Variants in PIGN observed in about 807,000 individuals in gnomAD.
The protein encoded by PIGN is phosphatidylinositol glycan anchor biosynthesis class N, also known as GPI ethanolamine phosphate transferase 1.
PIGN carries 117 observed loss-of-function variants against 125.4 expected under a neutral mutation model. The ratio of observed to expected loss-of-function variants is 0.93; its 90% CI spans 0.80 to 1.09. PIGN has a LOEUF of 1.09. Among genes scored for constraint, PIGN ranks in the 50% least tolerant of loss-of-function variants. The probability of loss-of-function intolerance (pLI) is 0.00; values close to 1 mark genes in which losing one functional copy is unlikely to be tolerated. For missense variants in PIGN, 1,075 were observed against 1,094.9 expected, an observed-to-expected ratio of 0.98 and a Z score of 0.26; for synonymous variants, 392 against 377.8, an observed-to-expected ratio of 1.04 and a Z score of -0.44.
At chr18:62,073,624 G>C (rs895529294) in intron 29 of PIGN, among the ~76,000 whole-genome samples, 3 of 152,130 alleles carry the variant, frequency 2.0e-5, no homozygotes, top group African/African-American at 7.2e-5. Flanking sequence ...AAGCTGATTT[G>C]CTCTCACATT....
chr18:62,185,305 G>A (rs1028037468), intron 1 of PIGN, among the ~76,000 whole-genome samples: 6 of 151,892 alleles, frequency 4.0e-5, no homozygotes, highest in Admixed American at 3.3e-4. Context: ...CTATTTGGGG[G>A]GATTTTTTTC....
Position 62,095,939 on chromosome 18 carries a change from C to A in PIGN, c.2089G>T (p.Val697Phe), listed in dbSNP as rs763127430. Residue 697 changes from valine to phenylalanine, a missense_variant, in exon 23 of 31, where the codon GTT (valine) becomes TTT (phenylalanine). By Grantham distance (50) the Val-to-Phe change is conservative (BLOSUM62 -1). Transcript: ENST00000640252. ...ACTGGAGAACTCAGTAGTGGCACAACCAAGGAAGAGGCTGCAATGAAACAG... is the reference window on the plus strand; with the variant it reads ...ACTGGAGAACTCAGTAGTGGCACAAACAAGGAAGAGGCTGCAATGAAACAG... The part of the protein sequence containing the change: ...ISWATLASSL[V>F]VPLLSSPVLF... The A allele has an allele frequency of 9.9e-6, 16 of 1,608,872 alleles. 1 individual carries two copies. In the South Asian group the frequency reaches 1.4e-4, roughly 14 times the overall value.
intron 23 of PIGN, among the ~76,000 whole-genome samples, chr18:62,033,958 C>T (rs1404299316): frequency 1.3e-5 from 2 of 152,176 alleles, no homozygotes; most frequent in Admixed American, 1.3e-4. Context: ...TCAGTTGAGA[C>T]TCAGAGGGGT....
chr18:62,107,369 C>A, intron 17 of PIGN: 1 of 310,346 alleles, frequency 3.2e-6, no homozygotes, highest in Non-Finnish European at 6.1e-6. Context: ...CTGAAGAGGG[C>A]GGATCACCTG....
chr18:62,122,407 A>T (rs878959274), intron 14 of PIGN, among the ~76,000 whole-genome samples: 3 of 152,090 alleles, frequency 2.0e-5, no homozygotes, highest in African/African-American at 7.2e-5. Context: ...TTCAATTAAT[A>T]TTTTTTTTAT....
At chr18:62,096,824 T>C (rs1360488706) in intron 22 of PIGN, among the ~76,000 whole-genome samples, 2 of 144,264 alleles carry the variant, frequency 1.4e-5, no homozygotes, top group African/African-American at 5.2e-5. Context: ...GAATGATGGT[T>C]TCCAATTTCA....
At chr18:62,022,125 C>A (rs1249730375) in intron 23 of PIGN, among the ~76,000 whole-genome samples, 1 of 152,128 alleles carries the variant, frequency 6.6e-6, no homozygotes, top group Non-Finnish European at 1.5e-5. Context: ...ATGATGGCAT[C>A]TTAGATAACA....
intron 8 of PIGN, among the ~76,000 whole-genome samples, chr18:62,147,721 T>C (rs934409897): frequency 6.6e-6 from 1 of 152,178 alleles, no homozygotes; most frequent in Non-Finnish European, 1.5e-5. Context: ...CTTTTACTTA[T>C]GGTCCTCAAA....
chr18:62,103,441 G>C (rs1456142656), intron 20 of PIGN: 1 of 151,652 alleles, frequency 6.6e-6, no homozygotes, highest in African/African-American at 2.4e-5. Flanking sequence ...GGAAGGGGTA[G>C]GCAGTGGTCA....
At chr18:62,105,219 T>C in intron 20 of PIGN, 2 of 172,288 alleles carry the variant, frequency 1.2e-5, no homozygotes, top group African/African-American at 4.8e-5. Context: ...AGAATGTTTT[T>C]TCACATGAAA....
In PIGN at chr18:62,044,021, A is replaced by G. The variant is rs1047259997; in HGVS notation, c.*1835T>C. The G allele has an allele frequency of 6.6e-6, 1 of 152,222 alleles. No homozygotes were observed. Among genetic ancestry groups the G allele is most frequent in the African/African-American group, 2.4e-5 (1 of 41,466 alleles). The allele number at this position is 152,222 out of a possible 1,614,324, so 9.4% of individuals were successfully genotyped here. ...ACTGCAACAGAAAAGGCTTGTTCCC[A>G]TGTGAGTCTGAAGGGGCCAGTTACG... On this transcript the variant is annotated 3_prime_UTR_variant, in exon 31 of 31. Transcript: ENST00000640252.
chr18:62,122,406 T>C (rs2035342625), intron 14 of PIGN, among the ~76,000 whole-genome samples: 1 of 152,154 alleles, frequency 6.6e-6, no homozygotes. Flanking sequence ...TTTCAATTAA[T>C]ATTTTTTTTA....
intron 11 of PIGN, 144 bp from the exon 12 acceptor site, chr18:62,140,623 T>C (rs772050273): frequency 4.3e-6 from 2 of 464,542 alleles, no homozygotes; most frequent in Admixed American, 7.8e-5. Context: ...AAAAAAGATA[T>C]TAATCTCTAA....
At position 62,090,584 on chromosome 18, in the gene PIGN, A is replaced by T; in HGVS notation, c.2181-6T>A. 1 of 1,505,280 alleles carries T rather than the reference A, an allele frequency of 6.6e-7. No homozygotes were observed. The highest frequency in any genetic ancestry group is 2.3e-5 in the East Asian group (1 of 43,884). 93.2% of individuals were successfully genotyped at this position (1,505,280 alleles called of 1,614,324 possible). On this transcript the variant is annotated splice_region_variant and splice_polypyrimidine_tract_variant and intron_variant, in intron 23 of 30. Coordinates refer to ENST00000640252, the MANE Select transcript of PIGN (RefSeq NM_176787.5). The stretch of plus-strand genomic sequence containing the variant: ...GTGGAAAGAGAGCTTCATACCTAAC[A>T]GGTGGGGAAAGGTAGAAATGAAAAG...
intron 11 of PIGN, among the ~76,000 whole-genome samples, 176 bp downstream of exon 11, chr18:62,143,130 C>A (rs2036195032): frequency 6.6e-6 from 1 of 152,090 alleles, no homozygotes; most frequent in Non-Finnish European, 1.5e-5. Flanking sequence ...GTTTGTTTTG[C>A]CACAAGAGAG....
At chr18:62,125,377 T>C (rs977866702) in intron 14 of PIGN, among the ~76,000 whole-genome samples, 2 of 152,050 alleles carry the variant, frequency 1.3e-5, no homozygotes, top group African/African-American at 4.8e-5. Flanking sequence ...CTAAGACATA[T>C]TAGAATCTGA....
At chr18:62,147,274 A>T (rs1435709995) in intron 8 of PIGN, among the ~76,000 whole-genome samples, 173 bp from the exon 9 acceptor site, 1 of 152,162 alleles carries the variant, frequency 6.6e-6, no homozygotes, top group African/African-American at 2.4e-5. Context: ...TCTCCTTTTA[A>T]TGAAGCTAAA....
chr18:62,027,746 A>G (rs1326652271), intron 23 of PIGN, among the ~76,000 whole-genome samples: 2 of 152,080 alleles, frequency 1.3e-5, no homozygotes, highest in Non-Finnish European at 2.9e-5. Flanking sequence ...TCCTTTCACA[A>G]TAGTGAGAAC....
intron 14 of PIGN, among the ~76,000 whole-genome samples, chr18:62,115,816 A>G (rs1467169873): frequency 6.6e-6 from 1 of 152,106 alleles, no homozygotes; most frequent in African/African-American, 2.4e-5. Context: ...TACTCTGATT[A>G]AGGATCTGTG....
Sources: gnomAD v4.1 joint callset for allele counts (sites outside exome capture counted in the v4.1 genomes callset) on GRCh38, gnomAD v4.1.1 for gene constraint, MANE v1.5 for transcripts, NCBI Gene and HGNC (gene_info 2026-07-23, HGNC 2026-07-21) for gene names.